Variants in MYT1L observed in about 807,000 individuals in gnomAD.
MYT1L encodes myelin transcription factor 1-like protein.
MYT1L carries 12 observed loss-of-function variants against 126.7 expected under a neutral mutation model. That is an observed-to-expected ratio of 0.09 (90% CI 0.06 to 0.15). The LOEUF (loss-of-function observed/expected upper bound fraction) is 0.15. Among genes scored for constraint, MYT1L ranks in the 10% least tolerant of loss-of-function variants. The pLI is 1.00. For synonymous variants in MYT1L, 541 were observed against 604.2 expected (o/e 0.90, Z 1.53); for missense variants, 979 against 1,585.2 (o/e 0.62, Z 6.49).
chr2:1,929,218 G>A lies in MYT1L; in HGVS notation c.506-5955C>T, dbSNP rs2054622109. ...GCCTTCAGTCGGGCACCTCTCCTAG[G>A]TGCGGCGCTGACCTCGGCGCCCCTC... On this transcript the variant is annotated intron_variant, in intron 9 of 24. Coordinates refer to ENST00000647738, the MANE Select transcript of MYT1L (RefSeq NM_001303052.2). The surrounding 1 kb of genome is among the most constrained non-coding windows in gnomAD (Gnocchi z 4.7). Among the ~76,000 whole-genome samples the A allele has an allele frequency of 6.6e-6, 1 of 152,092 alleles. No individual in the cohort carries two copies. The highest frequency in any genetic ancestry group is 2.4e-5 in the African/African-American group (1 of 41,428).
chr2:2,253,284 A>G (rs147468998), intron 2 of MYT1L, among the ~76,000 whole-genome samples: 14 of 152,334 alleles, frequency 9.2e-5, no homozygotes, highest in South Asian at 8.3e-4. Flanking sequence ...CTCTGGGAAC[A>G]GGGCTCGCTG....
At chr2:1,819,878 A>T (rs1296962664) in intron 21 of MYT1L, among the ~76,000 whole-genome samples, 1 of 152,196 alleles carries the variant, frequency 6.6e-6, no homozygotes, top group Non-Finnish European at 1.5e-5. Flanking sequence ...ATTAGGGAAG[A>T]TCTCAAGTGC....
At chr2:1,797,285 G>A (rs1046181560) in intron 23 of MYT1L, among the ~76,000 whole-genome samples, 7 of 152,120 alleles carry the variant, frequency 4.6e-5, no homozygotes, top group Admixed American at 2.0e-4. Flanking sequence ...CGCCCATGGC[G>A]CGATCTTGGC....
chr2:1,931,736 T>C (rs1473704219), intron 9 of MYT1L, among the ~76,000 whole-genome samples: 1 of 152,222 alleles, frequency 6.6e-6, no homozygotes, highest in Non-Finnish European at 1.5e-5. Flanking sequence ...GACCTACTTA[T>C]CCACCAATAG....
intron 18 of MYT1L, among the ~76,000 whole-genome samples, chr2:1,877,297 A>G (rs1260459383): frequency 1.3e-5 from 2 of 152,324 alleles, no homozygotes; most frequent in Admixed American, 1.3e-4. Flanking sequence ...AAAATAAGAT[A>G]TATGACTTAT....
chr2:2,111,968 A>C (rs1194283957), intron 3 of MYT1L, among the ~76,000 whole-genome samples: 2 of 152,198 alleles, frequency 1.3e-5, no homozygotes, highest in African/African-American at 4.8e-5. Flanking sequence ...GCGTCAGGTA[A>C]AAGCCTGTTC....
chr2:2,255,087 G>C (rs2094770425), intron 2 of MYT1L, among the ~76,000 whole-genome samples: 1 of 152,236 alleles, frequency 6.6e-6, no homozygotes, highest in Admixed American at 6.5e-5. Context: ...TAGGCCAAAG[G>C]GAAGGGTCTA....
intron 13 of MYT1L, among the ~76,000 whole-genome samples, chr2:1,908,883 T>C (rs950968292): frequency 2.0e-5 from 3 of 152,238 alleles, no homozygotes; most frequent in South Asian, 2.1e-4. Context: ...CCACAATTTA[T>C]TGAGGAGTTA....
At chr2:2,099,241 A>T (rs2077769906) in intron 3 of MYT1L, among the ~76,000 whole-genome samples, 1 of 152,168 alleles carries the variant, frequency 6.6e-6, no homozygotes, top group African/African-American at 2.4e-5. Flanking sequence ...TTGTTTTCTC[A>T]GACTCTCAGC....
Position 1,887,463 on chromosome 2 carries a change from T to C in MYT1L, c.2642+25A>G, listed in dbSNP as rs2048304464. Reference sequence around the variant, plus strand: ...AGAATGGGAAGATTAAGAAGATTCATAATTTCACCTCACAGCATGCTTACG... The same window carrying C: ...AGAATGGGAAGATTAAGAAGATTCACAATTTCACCTCACAGCATGCTTACG... On this transcript the variant is annotated intron_variant, in intron 17 of 24. Coordinates refer to ENST00000647738, the MANE Select transcript of MYT1L (RefSeq NM_001303052.2). The surrounding 1 kb of genome is among the most constrained non-coding windows in gnomAD (Gnocchi z 4.8). 2 of 1,613,972 alleles carry C rather than the reference T, an allele frequency of 1.2e-6. No individual in the cohort carries two copies. The highest frequency in any genetic ancestry group is 4.5e-5 in the East Asian group (2 of 44,872).
intron 4 of MYT1L, among the ~76,000 whole-genome samples, chr2:2,051,971 A>G (rs2068881438): frequency 6.6e-6 from 1 of 152,182 alleles, no homozygotes; most frequent in South Asian, 2.1e-4. Context: ...GTAAATGTTA[A>G]GAGATCCCCA....
At chr2:1,876,859 C>T (rs1032077679) in intron 18 of MYT1L, among the ~76,000 whole-genome samples, 11 of 152,204 alleles carry the variant, frequency 7.2e-5, no homozygotes, top group African/African-American at 1.9e-4. Flanking sequence ...GCTGGCATCC[C>T]GATGTCTTCT....
At chr2:2,114,003 G>A (rs562709409) in intron 3 of MYT1L, among the ~76,000 whole-genome samples, 1 of 152,046 alleles carries the variant, frequency 6.6e-6, no homozygotes, top group African/African-American at 2.4e-5. Context: ...TAGGAAAATA[G>A]TTATGAAAAC....
chr2:2,295,173 G>A (rs1428540557), intron 1 of MYT1L, among the ~76,000 whole-genome samples: 1 of 152,220 alleles, frequency 6.6e-6, no homozygotes, highest in Non-Finnish European at 1.5e-5. Flanking sequence ...GAAAGAGGAA[G>A]CTGAGACAGA....
intron 21 of MYT1L, among the ~76,000 whole-genome samples, chr2:1,810,801 G>A (rs1338509923): frequency 6.6e-6 from 1 of 152,132 alleles, no homozygotes; most frequent in Non-Finnish European, 1.5e-5. Context: ...AATATTTCCA[G>A]TATTCTTCAT....
At position 1,929,726 on chromosome 2, in the gene MYT1L, T is replaced by C. The variant is rs2054701345; in HGVS notation, c.506-6463A>G. Among the ~76,000 whole-genome samples, 1 of 152,234 alleles carries C rather than the reference T, an allele frequency of 6.6e-6. No individual in the cohort carries two copies. The highest frequency in any genetic ancestry group is 1.5e-5 in the Non-Finnish European group (1 of 68,042). ...TTTTCTCCAGTGCCGGCCATTGCCA[T>C]TTTCTTTGAATTTTAGTGCTAGATA... is the stretch of plus-strand genomic sequence containing the variant. On this transcript the variant is annotated intron_variant, in intron 9 of 24. Coordinates refer to ENST00000647738, the MANE Select transcript of MYT1L (RefSeq NM_001303052.2). The surrounding 1 kb of genome is among the most constrained non-coding windows in gnomAD (Gnocchi z 4.7).
intron 18 of MYT1L, among the ~76,000 whole-genome samples, chr2:1,878,207 G>A (rs1021204819): frequency 6.6e-6 from 1 of 152,146 alleles, no homozygotes; most frequent in Non-Finnish European, 1.5e-5. Context: ...CAAACAGTGA[G>A]GTTTGCACTC....
At chr2:2,177,448 C>T (rs1410892625) in intron 2 of MYT1L, among the ~76,000 whole-genome samples, 3 of 152,174 alleles carry the variant, frequency 2.0e-5, no homozygotes, top group African/African-American at 7.2e-5. Context: ...GAGGATGGTA[C>T]AGGGAAGCAT....
intron 13 of MYT1L, among the ~76,000 whole-genome samples, chr2:1,907,801 A>G (rs1257413356): frequency 6.6e-6 from 1 of 152,216 alleles, no homozygotes; most frequent in Non-Finnish European, 1.5e-5. Flanking sequence ...GCACCCCTAC[A>G]TGGAGACCCT....
Sources: allele counts gnomAD v4.1 joint callset (sites outside exome capture counted in the v4.1 genomes callset), GRCh38; gene constraint gnomAD v4.1.1; non-coding constraint Gnocchi (gnomAD v3.1); transcripts MANE v1.5; gene names NCBI Gene and HGNC (gene_info 2026-07-23, HGNC 2026-07-21).